Variants in CYYR1 observed in about 807,000 individuals in gnomAD.
CYYR1 encodes cysteine and tyrosine rich 1.
In CYYR1, 14 loss-of-function variants were observed where a neutral mutation model predicts 15.2. That is an observed-to-expected ratio of 0.92 (90% CI 0.61 to 1.44). The LOEUF is 1.44. Ranked by LOEUF, CYYR1 falls within the 40% of genes most tolerant of loss-of-function variation. CYYR1 has a pLI of 0.00. For missense variants in CYYR1, 228 were observed against 209.5 expected (o/e 1.09, Z -0.54); for synonymous variants, 80 against 77.4 (o/e 1.03, Z -0.18).
chr21:26,532,815 A>G (rs1287373442), intron 2 of CYYR1, among the ~76,000 whole-genome samples: 1 of 152,216 alleles, frequency 6.6e-6, no homozygotes, highest in Non-Finnish European at 1.5e-5. Flanking sequence ...CAGATTTTCC[A>G]TGTGGGTGGC....
chr21:26,535,924 T>C (rs527350267), intron 2 of CYYR1, among the ~76,000 whole-genome samples: 1 of 152,332 alleles, frequency 6.6e-6, no homozygotes, highest in East Asian at 1.9e-4. Flanking sequence ...TGTATTAGTC[T>C]GTTTTCACGT....
intron 2 of CYYR1, among the ~76,000 whole-genome samples, chr21:26,549,426 T>C (rs1223153939): frequency 6.6e-6 from 1 of 152,196 alleles, no homozygotes; most frequent in African/African-American, 2.4e-5. Context: ...CCTTTCCAAA[T>C]TCTTTCCCAC....
intron 2 of CYYR1, among the ~76,000 whole-genome samples, chr21:26,520,129 T>G (rs1173493400): frequency 1.4e-5 from 2 of 147,046 alleles, no homozygotes. Context: ...TATATATATA[T>G]ATATATATAT....
chr21:26,513,684 G>C (rs1386275381), intron 2 of CYYR1, among the ~76,000 whole-genome samples: 1 of 152,094 alleles, frequency 6.6e-6, no homozygotes. Flanking sequence ...AGGGGATAAA[G>C]TGGGAGTTGT....
intron 1 of CYYR1, among the ~76,000 whole-genome samples, chr21:26,570,335 C>A: frequency 6.6e-6 from 1 of 152,150 alleles, no homozygotes; most frequent in East Asian, 1.9e-4. Context: ...CTGCCTCCCA[C>A]CTTAAGGAAT....
intron 2 of CYYR1, among the ~76,000 whole-genome samples, chr21:26,564,301 A>C (rs1452846682): frequency 6.6e-6 from 1 of 152,142 alleles, no homozygotes; most frequent in Non-Finnish European, 1.5e-5. Flanking sequence ...GTATCCCCCC[A>C]CCACTGCCAC....
intron 2 of CYYR1, among the ~76,000 whole-genome samples, chr21:26,542,290 C>CGTGTGTGTGTGTGCGTGTGT (rs1978619665): frequency 7.8e-6 from 1 of 128,070 alleles, no homozygotes; most frequent in Non-Finnish European, 1.6e-5. Context: ...TGTGTGTGTG[C>CGTGTGTGTGTGTGCGTGTGT]GTGTGTGTGT....
intron 2 of CYYR1, among the ~76,000 whole-genome samples, chr21:26,525,858 T>C (rs1318357744): frequency 1.3e-5 from 2 of 152,164 alleles, no homozygotes; most frequent in Non-Finnish European, 2.9e-5. Context: ...TACAGGCAGT[T>C]CCTAATTTAC....
At chr21:26,558,861 C>T (rs1323036975) in intron 2 of CYYR1, among the ~76,000 whole-genome samples, 1 of 152,134 alleles carries the variant, frequency 6.6e-6, no homozygotes. Context: ...TATACTCTAT[C>T]CACTTGGTCT....
Position 26,520,113 on chromosome 21 carries a change from G to GATATATATATAT in CYYR1, c.177-39696_177-39685dup, listed in dbSNP as rs71183558. Among the ~76,000 whole-genome samples the GATATATATATAT allele has an allele frequency of 2.3e-3, 276 of 120,642 alleles. 2 individuals carry two copies. The highest frequency in any genetic ancestry group is 3.0e-3 in the Non-Finnish European group (176 of 58,876). 79.1% of individuals were successfully genotyped at this position (120,642 alleles called of 152,430 possible). On this transcript the variant is annotated intron_variant, in intron 2 of 3. Coordinates refer to ENST00000652641, the MANE Select transcript of CYYR1 (RefSeq NM_001320768.2). Reference sequence around the variant, plus strand: ...TCTTCTTCTAAAAAAAAACCCAGGAGATATATATATATATATATATATATA... The same window carrying GATATATATATAT: ...TCTTCTTCTAAAAAAAAACCCAGGAGATATATATATATATATATATATATATATATATATATA...
intron 2 of CYYR1, among the ~76,000 whole-genome samples, chr21:26,484,244 A>G (rs1007266930): frequency 6.6e-6 from 1 of 152,116 alleles, no homozygotes; most frequent in Non-Finnish European, 1.5e-5. Context: ...CTGGCCACCA[A>G]CTGACCTTTA....
chr21:26,495,198 T>C (rs548832466), intron 2 of CYYR1, among the ~76,000 whole-genome samples: 39 of 152,292 alleles, frequency 2.6e-4, no homozygotes, highest in Admixed American at 6.5e-4. Context: ...TCACTTCAGA[T>C]AGAGATTCTT....
At chr21:26,496,780 T>A (rs2065410644) in intron 2 of CYYR1, among the ~76,000 whole-genome samples, 1 of 152,176 alleles carries the variant, frequency 6.6e-6, no homozygotes, top group South Asian at 2.1e-4. Flanking sequence ...TTGATATTTA[T>A]CCAATACTTA....
chr21:26,480,075 C>CA (rs144241868), intron 3 of CYYR1, among the ~76,000 whole-genome samples, 197 bp downstream of exon 3: 2,812 of 150,344 alleles, frequency 0.019, 91 homozygotes, highest in African/African-American at 0.065. Flanking sequence ...TGAATACCTT[C>CA]AAAAAAAAAG....
chr21:26,516,727 C>A (rs542466446), intron 2 of CYYR1, among the ~76,000 whole-genome samples: 9 of 152,242 alleles, frequency 5.9e-5, no homozygotes, highest in Admixed American at 2.6e-4. Flanking sequence ...GCTTCAAAAT[C>A]CTTTGCTTAA....
intron 2 of CYYR1, among the ~76,000 whole-genome samples, chr21:26,504,197 T>G (rs1288462068): frequency 6.6e-6 from 1 of 151,636 alleles, no homozygotes; most frequent in Non-Finnish European, 1.5e-5. Context: ...GTACAAATTA[T>G]TATTATTTTA....
Position 26,467,574 on chromosome 21 carries a change from C to G in CYYR1, c.*927G>C, listed in dbSNP as rs532642003. On this transcript the variant is annotated 3_prime_UTR_variant, in exon 4 of 4. Transcript: ENST00000652641. Reference sequence around the variant, plus strand: ...CCTGTGGGAATAATTGATTTCTCATCTTTTACTTGGAAGTGAAGTGTCTGC... The same window carrying G: ...CCTGTGGGAATAATTGATTTCTCATGTTTTACTTGGAAGTGAAGTGTCTGC... The G allele has an allele frequency of 6.6e-6, 1 of 152,162 alleles. No homozygotes were observed. Among genetic ancestry groups the G allele is most frequent in the South Asian group, 2.1e-4 (1 of 4,824 alleles). The allele number at this position is 152,162 out of a possible 1,614,324, so 9.4% of individuals were successfully genotyped here. A position where few individuals can be genotyped will look rare whatever the true frequency, so the allele number is the denominator to read the frequency against.
chr21:26,553,456 C>G (rs1442972383), intron 2 of CYYR1, among the ~76,000 whole-genome samples: 1 of 152,050 alleles, frequency 6.6e-6, no homozygotes, highest in Non-Finnish European at 1.5e-5. Context: ...ATGCTAAACC[C>G]TGTCCACATT....
intron 2 of CYYR1, among the ~76,000 whole-genome samples, chr21:26,540,101 AT>A (rs2024632026): frequency 6.6e-6 from 1 of 152,232 alleles, no homozygotes; most frequent in Non-Finnish European, 1.5e-5. Flanking sequence ...CGTTTAAGAC[AT>A]TAGACTATGA....
Sources: allele counts gnomAD v4.1 joint callset (sites outside exome capture counted in the v4.1 genomes callset), GRCh38; gene constraint gnomAD v4.1.1; transcripts MANE v1.5; gene names NCBI Gene and HGNC (gene_info 2026-07-23, HGNC 2026-07-21).